ADGRL3: variants seen among roughly 807,000 people sequenced by gnomAD.
ADGRL3 encodes adhesion G protein-coupled receptor L3, also known as calcium-independent alpha-latrotoxin receptor 3.
ADGRL3 carries 62 observed loss-of-function variants against 153.5 expected under a neutral mutation model. The observed-to-expected ratio is 0.40, with a 90% confidence interval of 0.33 to 0.50. ADGRL3 has a LOEUF of 0.50. ADGRL3 is among the 20% of genes least tolerant of loss of function. The pLI, the probability that ADGRL3 is intolerant of heterozygous loss-of-function variation, is 0.47. For missense variants in ADGRL3, 1,641 were observed against 1,859.4 expected (o/e 0.88, Z 2.16); for synonymous variants, 710 against 672.5 (o/e 1.06, Z -0.86).
At chr4:61,747,224 C>T (rs1335088443) in intron 8 of ADGRL3, among the ~76,000 whole-genome samples, 1 of 150,564 alleles carries the variant, frequency 6.6e-6, no homozygotes, top group East Asian at 2.0e-4. Flanking sequence ...CAATAGCTTA[C>T]CAACCAAAAA....
chr4:61,874,077 G>A (rs544372635), intron 9 of ADGRL3, among the ~76,000 whole-genome samples: 1 of 152,178 alleles, frequency 6.6e-6, no homozygotes, highest in East Asian at 1.9e-4. Context: ...ACAATGCTAC[G>A]GCAAACTTAA....
At chr4:61,921,149 T>A (rs552811016) in intron 13 of ADGRL3, among the ~76,000 whole-genome samples, 87 of 152,138 alleles carry the variant, frequency 5.7e-4, no homozygotes, top group African/African-American at 2.0e-3. Flanking sequence ...AAAAAAAACT[T>A]TTAAAAGCTA....
rs2098106345 is a variant in ADGRL3 at position 61,845,537 on chromosome 4, T to C, written c.1480+31648T>C. 4.0e-5 allele frequency among the ~76,000 whole-genome samples: 6 copies of C among 150,958 alleles called. No homozygotes were observed. The South Asian group carries it at 1.3e-3, about 32-fold the overall frequency. On this transcript the variant is annotated intron_variant, in intron 9 of 26. Coordinates refer to ENST00000683033, the MANE Select transcript of ADGRL3 (RefSeq NM_001387552.1). ...ACCTAAGTTTAATTTTTTTCTTTTT[T>C]TTTTTTTTGCAGAGACAGCAGTCTT...
At chr4:61,611,084 CAT>C (rs1373005199) in intron 5 of ADGRL3, among the ~76,000 whole-genome samples, 1 of 152,096 alleles carries the variant, frequency 6.6e-6, no homozygotes, top group Non-Finnish European at 1.5e-5. Flanking sequence ...TTGCTTAACA[CAT>C]AGAAATTTAT....
chr4:61,946,256 T>C (rs2073377786), intron 15 of ADGRL3, among the ~76,000 whole-genome samples: 1 of 152,130 alleles, frequency 6.6e-6, no homozygotes, highest in Non-Finnish European at 1.5e-5. Flanking sequence ...ATTTTAGAGA[T>C]TCTTGTGGGT....
chr4:61,504,600 C>G (rs1044459001), intron 3 of ADGRL3, among the ~76,000 whole-genome samples: 6 of 152,080 alleles, frequency 3.9e-5, no homozygotes, highest in Non-Finnish European at 8.8e-5. Flanking sequence ...AGATCTTATT[C>G]CCTCTACCTA....
chr4:61,352,093 G>A (rs575579729), intron 1 of ADGRL3, among the ~76,000 whole-genome samples: 1 of 152,226 alleles, frequency 6.6e-6, no homozygotes, highest in South Asian at 2.1e-4. Flanking sequence ...CAAAATGTTA[G>A]CATTAACAGG....
intron 4 of ADGRL3, among the ~76,000 whole-genome samples, chr4:61,539,301 G>A (rs1434244102): frequency 6.6e-6 from 1 of 152,228 alleles, no homozygotes; most frequent in Non-Finnish European, 1.5e-5. Context: ...CCTCTGCTGT[G>A]TCTGTAACAG....
chr4:61,959,231 A>T (rs2150455790), intron 17 of ADGRL3, among the ~76,000 whole-genome samples: 1 of 152,290 alleles, frequency 6.6e-6, no homozygotes, highest in African/African-American at 2.4e-5. Context: ...TTTCAAAGTA[A>T]TTAAATTAAC....
chr4:61,535,760 T>A (rs2152974083), intron 4 of ADGRL3, among the ~76,000 whole-genome samples: 1 of 152,182 alleles, frequency 6.6e-6, no homozygotes, highest in African/African-American at 2.4e-5. Context: ...GATAATCTTT[T>A]GTCTTTCTTT....
chr4:61,467,737 T>C (rs1348701134), intron 2 of ADGRL3, among the ~76,000 whole-genome samples: 1 of 152,158 alleles, frequency 6.6e-6, no homozygotes, highest in East Asian at 1.9e-4. Flanking sequence ...TTTTCAGTAG[T>C]ACAGATGAAA....
intron 11 of ADGRL3, among the ~76,000 whole-genome samples, chr4:61,902,793 A>C (rs2098671759): frequency 6.6e-6 from 1 of 152,146 alleles, no homozygotes; most frequent in Non-Finnish European, 1.5e-5. Context: ...CCCTAATCAC[A>C]TACACCAGGT....
rs1488258146 is a variant in ADGRL3, at chr4:61,208,051, A to AT, written c.-240+6292dup. 5.8e-4 allele frequency among the ~76,000 whole-genome samples: 88 copies of AT among 152,202 alleles called. 1 individual carries two copies. Among genetic ancestry groups the AT allele is most frequent in the African/African-American group, 2.0e-3 (83 of 41,518 alleles). ...TCCAGTGTAGAAAACTTGTTTTTAG[A>AT]TTTTTTGTCCCCATTTAGTGAAATG... On this transcript the variant is annotated intron_variant, in intron 1 of 26. Transcript: ENST00000683033.
At chr4:61,384,408 ATATTTATTAGCT>A (rs1357814455) in intron 2 of ADGRL3, among the ~76,000 whole-genome samples, 3 of 151,096 alleles carry the variant, frequency 2.0e-5, no homozygotes, top group Non-Finnish European at 3.0e-5. Context: ...TCTTTCATTT[ATATTTATTAGCT>A]TATTTATATA....
Position 61,236,792 on chromosome 4 carries a change from C to T in ADGRL3, c.-240+35027C>T, listed in dbSNP as rs142765760. The stretch of plus-strand genomic sequence containing the variant: ...TGAAGTTGTTATTCATTTCTTAATT[C>T]GATAAAGCGAATTAGAGCTAAGTTT... On this transcript the variant is annotated intron_variant, in intron 1 of 26. Transcript: ENST00000683033. Among the ~76,000 whole-genome samples, 513 of 152,070 alleles carry T rather than the reference C, an allele frequency of 3.4e-3. 3 individuals carry two copies. Among genetic ancestry groups the T allele is most frequent in the Middle Eastern group, 0.01 (3 of 294 alleles).
At chr4:61,226,715 T>C (rs1172785222) in intron 1 of ADGRL3, among the ~76,000 whole-genome samples, 3 of 152,128 alleles carry the variant, frequency 2.0e-5, no homozygotes, top group African/African-American at 7.2e-5. Flanking sequence ...CCTGGAAGAA[T>C]ACCTGAAGGG....
chr4:61,598,715 T>C lies in ADGRL3; in HGVS notation c.473+11275T>C, dbSNP rs564593685. On this transcript the variant is annotated intron_variant, in intron 5 of 26. Coordinates refer to ENST00000683033, the MANE Select transcript of ADGRL3 (RefSeq NM_001387552.1). ...AAGTATATAAGGTATATATGACATA[T>C]ATTTGTAAAATGCAAATTAATTTCA... 4.6e-5 allele frequency among the ~76,000 whole-genome samples: 7 copies of C among 152,304 alleles called. No individual in the cohort carries two copies. The South Asian group carries it at 1.2e-3, about 27-fold the overall frequency.
intron 8 of ADGRL3, among the ~76,000 whole-genome samples, chr4:61,749,930 G>T (rs1025039550): frequency 1.3e-5 from 2 of 152,156 alleles, no homozygotes; most frequent in Admixed American, 6.5e-5. Flanking sequence ...CAGGCACACA[G>T]ATCTGCTGTG....
intron 1 of ADGRL3, among the ~76,000 whole-genome samples, chr4:61,219,817 A>G (rs1744558294): frequency 6.6e-6 from 1 of 152,172 alleles, no homozygotes; most frequent in South Asian, 2.1e-4. Flanking sequence ...CTGAAAATAT[A>G]AAGTCATCTG....
Sources: gnomAD v4.1 joint callset for allele counts (sites outside exome capture counted in the v4.1 genomes callset) on GRCh38, gnomAD v4.1.1 for gene constraint, MANE v1.5 for transcripts, NCBI Gene and HGNC (gene_info 2026-07-23, HGNC 2026-07-21) for gene names.